The following CEP63 variants were observed in gnomAD, a reference collection of about 807,000 sequenced individuals.
The protein encoded by CEP63 is centrosomal protein 63, also known as centrosomal protein of 63 kDa.
In CEP63, 84 loss-of-function variants were observed where a neutral mutation model predicts 89.1. That is an observed-to-expected ratio of 0.94 (90% confidence interval 0.79 to 1.13). CEP63 has a LOEUF of 1.13. CEP63 is among the 50% of genes most tolerant of loss of function. CEP63 has a pLI of 0.00. For synonymous variants in CEP63, 267 were observed against 272.5 expected (o/e 0.98, Z 0.20); for missense variants, 838 against 813.3 (o/e 1.03, Z -0.37).
rs1378236316 is a variant in CEP63, at chr3:134,550,104, T to C, written c.1224T>C (p.Ser408=). The C allele has an allele frequency of 1.9e-6, 3 of 1,613,950 alleles. No individual in the cohort carries two copies. The African/African-American group carries it at 4.0e-5, about 22-fold the overall frequency. The change falls in exon 11 of 15, where the codon TCT becomes TCC. Residue 408 remains serine, a synonymous_variant. Transcript: ENST00000675561. ...QILQGEQSYS[S]ALEGMKMEIS... ...TACAGGGTGAACAAAGTTACAGTTC[T>C]GCACTAGAAGGAATGAAGATGGAAA...
At chr3:134,652,039 T>C in the CEP63 span, among the ~76,000 whole-genome samples, 3 of 152,158 alleles carry the variant, frequency 2.0e-5, no homozygotes, top group Non-Finnish European at 4.4e-5. Flanking sequence ...CCTTGTAGCA[T>C]GGTCCTGAGA....
exon 11 of CEP63, among the ~76,000 whole-genome samples, chr3:134,587,666 TGAG>T (rs1958513560): frequency 6.6e-6 from 1 of 152,082 alleles, no homozygotes; most frequent in African/African-American, 2.4e-5. Flanking sequence ...GGAACCCACT[TGAG>T]GAGGCAGTCT....
chr3:134,604,911 A>G, the CEP63 span, among the ~76,000 whole-genome samples: 6 of 152,144 alleles, frequency 3.9e-5, no homozygotes, highest in East Asian at 1.9e-4. Flanking sequence ...CTAAGTGTCA[A>G]TGCTGTCATG....
rs201752423 is a variant in CEP63 at position 134,495,298 on chromosome 3, G to A, written c.-23G>A. ...ACTGATATTTTTTTCTTTGTCAGTT[G>A]CCAAAACAAAGGGGATTTGGTGATG... On this transcript the variant is annotated splice_region_variant and 5_prime_UTR_variant, in exon 2 of 15. Coordinates refer to ENST00000675561, the MANE Select transcript of CEP63 (RefSeq NM_001353108.3). The A allele has an allele frequency of 4.3e-6, 7 of 1,610,380 alleles. No individual in the cohort carries two copies. The highest frequency in any genetic ancestry group is 5.9e-6 in the Non-Finnish European group (7 of 1,176,834).
chr3:134,641,778 A>C, the CEP63 span, among the ~76,000 whole-genome samples: 3 of 151,942 alleles, frequency 2.0e-5, no homozygotes, highest in Non-Finnish European at 4.4e-5. Context: ...CTTCCCCCTT[A>C]TACCTTATCT....
the CEP63 span, among the ~76,000 whole-genome samples, chr3:134,754,741 C>A: frequency 6.6e-6 from 1 of 152,058 alleles, no homozygotes; most frequent in Non-Finnish European, 1.5e-5. Context: ...AGTCCAGCAC[C>A]CAAATGTATG....
the CEP63 span, among the ~76,000 whole-genome samples, chr3:134,744,396 T>G: frequency 6.6e-6 from 1 of 152,178 alleles, no homozygotes; most frequent in Non-Finnish European, 1.5e-5. Context: ...AAGATCCAAC[T>G]GAAAGAATTG....
At chr3:134,573,438 G>A (rs1410114425) in intron 11 of CEP63, among the ~76,000 whole-genome samples, 1 of 152,120 alleles carries the variant, frequency 6.6e-6, no homozygotes, top group Non-Finnish European at 1.5e-5. Context: ...TACAATGAAA[G>A]GTAAGGGTCC....
At chr3:134,600,133 A>C in the CEP63 span, among the ~76,000 whole-genome samples, 2 of 152,194 alleles carry the variant, frequency 1.3e-5, no homozygotes. Context: ...CATCTTCGAA[A>C]ATTTTGCCAA....
chr3:134,594,810 G>A, the CEP63 span, among the ~76,000 whole-genome samples: 1 of 152,230 alleles, frequency 6.6e-6, no homozygotes, highest in Admixed American at 6.5e-5. Context: ...TATTCTAAAT[G>A]CAAGGCACTG....
chr3:134,569,715 C>A (rs1957938565), downstream of CEP63, among the ~76,000 whole-genome samples: 1 of 152,178 alleles, frequency 6.6e-6, no homozygotes, highest in Non-Finnish European at 1.5e-5. Context: ...GGACAATGGC[C>A]CTCTTCTCAC....
the CEP63 span, chr3:134,643,476 G>A: frequency 2.8e-5 from 28 of 995,238 alleles, no homozygotes; most frequent in Admixed American, 1.4e-4. Flanking sequence ...GTGGGCTGGC[G>A]GGGGCCAAGC....
the CEP63 span, among the ~76,000 whole-genome samples, chr3:134,684,375 A>G: frequency 6.6e-6 from 1 of 152,118 alleles, no homozygotes. Flanking sequence ...ATAATTCCAC[A>G]TGGGGACATG....
the CEP63 span, among the ~76,000 whole-genome samples, chr3:134,669,972 A>C: frequency 6.6e-6 from 1 of 152,202 alleles, no homozygotes; most frequent in Non-Finnish European, 1.5e-5. Context: ...GAATGGGATT[A>C]GTGCCCTTTT....
the CEP63 span, among the ~76,000 whole-genome samples, chr3:134,734,851 T>C: frequency 2.4e-4 from 37 of 152,310 alleles, no homozygotes; most frequent in Non-Finnish European, 4.9e-4. Flanking sequence ...ATTTGTAGTA[T>C]ATACATTCAT....
the CEP63 span, among the ~76,000 whole-genome samples, chr3:134,781,154 G>A: frequency 6.6e-6 from 1 of 152,136 alleles, no homozygotes; most frequent in East Asian, 1.9e-4. Context: ...ATAAGGCAAA[G>A]CCTTCCATTC....
In CEP63 at chr3:134,550,099, A is replaced by C. The variant is rs1026945452; in HGVS notation, c.1219A>C (p.Ser407Arg). The C allele has an allele frequency of 1.9e-6, 3 of 1,613,782 alleles. No individual in the cohort carries two copies. The highest frequency in any genetic ancestry group is 1.7e-6 in the Non-Finnish European group (2 of 1,179,842). Reference protein sequence around the residue: ...EQILQGEQSYSSALEGMKMEI... With the variant: ...EQILQGEQSYRSALEGMKMEI... The stretch of plus-strand genomic sequence containing the variant: ...GATTTTACAGGGTGAACAAAGTTAC[A>C]GTTCTGCACTAGAAGGAATGAAGAT... Residue 407 changes from serine to arginine, a missense_variant, in exon 11 of 15, where the codon AGT (serine) becomes CGT (arginine). By Grantham distance (110) the Ser-to-Arg change is moderately radical. Coordinates refer to ENST00000675561, the MANE Select transcript of CEP63 (RefSeq NM_001353108.3).
At chr3:134,597,368 T>C in the CEP63 span, among the ~76,000 whole-genome samples, 1 of 152,180 alleles carries the variant, frequency 6.6e-6, no homozygotes, top group Non-Finnish European at 1.5e-5. Context: ...GTGAAGACTT[T>C]TCAGTGATTG....
the CEP63 span, among the ~76,000 whole-genome samples, chr3:134,745,180 C>G: frequency 6.6e-5 from 10 of 152,178 alleles, no homozygotes. Context: ...GATCATAGGG[C>G]TGGCCAAAGC....
Sources: gnomAD v4.1 joint callset for allele counts (sites outside exome capture counted in the v4.1 genomes callset) on GRCh38, gnomAD v4.1.1 for gene constraint, MANE v1.5 for transcripts, NCBI Gene and HGNC (gene_info 2026-07-23, HGNC 2026-07-21) for gene names.